FRAS1: variants seen among roughly 807,000 people sequenced by gnomAD.
The protein encoded by FRAS1 is extracellular matrix organizing protein FRAS1.
FRAS1 carries 290 observed loss-of-function variants against 435.2 expected under a neutral mutation model. The observed-to-expected ratio is 0.67, with a 90% CI of 0.61 to 0.73. FRAS1 has a LOEUF of 0.73. FRAS1 is among the 30% of genes least tolerant of loss of function. The pLI is 0.00. For synonymous variants in FRAS1, 1,800 were observed against 1,851.0 expected, an observed-to-expected ratio of 0.97 and a Z score of 0.71; for missense variants, 4,860 against 5,001.5, an observed-to-expected ratio of 0.97 and a Z score of 0.85.
intron 38 of FRAS1, among the ~76,000 whole-genome samples, chr4:78,437,780 A>G (rs1013726293): frequency 5.3e-5 from 8 of 152,350 alleles, no homozygotes; most frequent in African/African-American, 1.4e-4. Flanking sequence ...GCCCTAAAAA[A>G]TGAATGACTC....
chr4:78,263,365 T>A (rs1726205586), intron 6 of FRAS1, among the ~76,000 whole-genome samples: 3 of 152,240 alleles, frequency 2.0e-5, no homozygotes, highest in Non-Finnish European at 4.4e-5. Flanking sequence ...TAATTAGATG[T>A]TGCCAATAAG....
Position 78,384,266 on chromosome 4 carries a change from C to T in FRAS1, c.3648+123C>T, listed in dbSNP as rs72867947. On this transcript the variant is annotated intron_variant, in intron 28 of 73. Coordinates refer to ENST00000512123, the MANE Select transcript of FRAS1 (RefSeq NM_025074.7). ...TAAATTAATCTAGTCTTGGTTTCCT[C>T]TTGAGATGCCACTGGAGTAATTTTT... The T allele has an allele frequency of 2.7e-4, 194 of 715,024 alleles. No homozygotes were observed. The African/African-American group carries it at 3.0e-3, about 11-fold the overall frequency. The allele number at this position is 715,024 out of a possible 1,614,324, so 44.3% of individuals were successfully genotyped here.
chr4:78,395,370 T>C (rs1732616193), intron 29 of FRAS1, among the ~76,000 whole-genome samples: 1 of 152,058 alleles, frequency 6.6e-6, no homozygotes, highest in Non-Finnish European at 1.5e-5. Context: ...ACGTCTGTTA[T>C]GTCCATTTGT....
intron 2 of FRAS1, among the ~76,000 whole-genome samples, chr4:78,125,976 C>T (rs182339988): frequency 1.3e-5 from 2 of 152,326 alleles, no homozygotes; most frequent in East Asian, 3.9e-4. Context: ...CAGATATGCC[C>T]TGCCCCCAGA....
At chr4:78,253,597 T>C (rs1725651515) in intron 5 of FRAS1, among the ~76,000 whole-genome samples, 3 of 152,152 alleles carry the variant, frequency 2.0e-5, no homozygotes, top group African/African-American at 7.2e-5. Flanking sequence ...CCAACTCTTC[T>C]CTTTCTTGCT....
At chr4:78,143,953 A>G (rs982333068) in intron 2 of FRAS1, among the ~76,000 whole-genome samples, 3 of 151,342 alleles carry the variant, frequency 2.0e-5, no homozygotes, top group African/African-American at 7.3e-5. Flanking sequence ...ACCTCTGAGC[A>G]CTGAGAAATT....
At chr4:78,080,305 G>T (rs966300661) in intron 2 of FRAS1, among the ~76,000 whole-genome samples, 3 of 152,156 alleles carry the variant, frequency 2.0e-5, no homozygotes, top group Admixed American at 1.3e-4. Flanking sequence ...AGAAGAGGAG[G>T]CATAATTGCG....
chr4:78,302,126 T>C (rs1345139475), intron 14 of FRAS1, among the ~76,000 whole-genome samples: 2 of 151,510 alleles, frequency 1.3e-5, no homozygotes, highest in Admixed American at 6.6e-5. Context: ...GTTCTTGAGA[T>C]AGTTTACTGA....
intron 2 of FRAS1, among the ~76,000 whole-genome samples, chr4:78,091,463 T>C (rs1356397078): frequency 2.0e-5 from 3 of 152,156 alleles, no homozygotes; most frequent in Admixed American, 1.3e-4. Flanking sequence ...TGGAACTTAC[T>C]GTGCTGTAAA....
intron 2 of FRAS1, among the ~76,000 whole-genome samples, chr4:78,229,737 A>G (rs1724440961): frequency 6.6e-6 from 1 of 151,890 alleles, no homozygotes; most frequent in Non-Finnish European, 1.5e-5. Context: ...CAGGGTTTGA[A>G]TCCCAGATCT....
At position 78,284,500 on chromosome 4, in the gene FRAS1, G is replaced by C; in HGVS notation, c.1351G>C (p.Val451Leu). The C allele has an allele frequency of 6.2e-7, 1 of 1,613,660 alleles. No homozygotes were observed. The highest frequency in any genetic ancestry group is 8.5e-7 in the Non-Finnish European group (1 of 1,179,740). Residue 451 changes from valine to leucine, a missense_variant, in exon 13 of 74, where the codon GTG (valine) becomes CTG (leucine). Val to Leu is a conservative substitution (Grantham distance 32). Coordinates refer to ENST00000512123, the MANE Select transcript of FRAS1 (RefSeq NM_025074.7). The part of the protein sequence containing the change: ...PTKLLQNGWC[V>L]HSCGLGFYQA... ...CAAGTTACTGCAGAATGGATGGTGT[G>C]TGCACAGCTGTGGACTGGGTTTTTA... is the stretch of plus-strand genomic sequence containing the variant.
chr4:78,362,446 A>G (rs1294196706), intron 20 of FRAS1, among the ~76,000 whole-genome samples: 1 of 152,222 alleles, frequency 6.6e-6, no homozygotes, highest in Admixed American at 6.5e-5. Context: ...CATGTATGTT[A>G]GTGAGTGCAG....
At chr4:78,298,364 A>T (rs1728246586) in intron 14 of FRAS1, among the ~76,000 whole-genome samples, 1 of 151,812 alleles carries the variant, frequency 6.6e-6, no homozygotes, top group Admixed American at 6.6e-5. Context: ...CACACACCTT[A>T]TAATATCATG....
At chr4:78,432,330 G>T (rs114555894) in intron 37 of FRAS1, 27 bp from the exon 38 acceptor site, 17 of 1,565,648 alleles carry the variant, frequency 1.1e-5, no homozygotes, top group Non-Finnish European at 1.5e-5. Context: ...GAAGCAACTC[G>T]TTTGCAATTT....
In FRAS1 at chr4:78,225,173, G is replaced by A. The variant is rs1724217431; in HGVS notation, c.109-12337G>A. 2.0e-5 allele frequency among the ~76,000 whole-genome samples: 3 copies of A among 152,230 alleles called. No homozygotes were observed. The South Asian group carries it at 6.2e-4, about 32-fold the overall frequency. The stretch of plus-strand genomic sequence containing the variant: ...AGCATGGTGCTAAGGAATCTCAGAT[G>A]TGTTATCTGATATATCCCCCTGACA... On this transcript the variant is annotated intron_variant, in intron 2 of 73. Coordinates refer to ENST00000512123, the MANE Select transcript of FRAS1 (RefSeq NM_025074.7).
intron 2 of FRAS1, among the ~76,000 whole-genome samples, chr4:78,137,011 C>T (rs550889265): frequency 2.6e-5 from 4 of 152,312 alleles, no homozygotes; most frequent in East Asian, 1.9e-4. Context: ...AGGCCACTGG[C>T]ACTGCACCAT....
At chr4:78,261,195 AT>A (rs1225738478) in intron 6 of FRAS1, among the ~76,000 whole-genome samples, 1 of 151,462 alleles carries the variant, frequency 6.6e-6, no homozygotes, top group African/African-American at 2.4e-5. Flanking sequence ...AGTCTTTTTT[AT>A]TTCTACTATC....
In FRAS1 at chr4:78,282,920, C is replaced by T; in HGVS notation, c.1208C>T (p.Thr403Ile). Residue 403 changes from threonine (T) to isoleucine (I), a missense_variant, in exon 12 of 74, where the codon ACA becomes ATA. Transcript: ENST00000512123. The stretch of plus-strand genomic sequence containing the variant: ...TCTTGCCCACCATGTCCAGTGGGCA[C>T]ACTGGCCTTAGAGGTGAAGGGACAG... Reference protein sequence around the residue: ...EPSCPPCPVGTLALEVKGQCC... With the variant: ...EPSCPPCPVGILALEVKGQCC... 1 of 1,610,544 alleles carries T rather than the reference C, an allele frequency of 6.2e-7. No homozygotes were observed. Among genetic ancestry groups the T allele is most frequent in the Non-Finnish European group, 8.5e-7 (1 of 1,178,624 alleles).
intron 64 of FRAS1, 114 bp from the exon 65 acceptor site, chr4:78,513,278 A>G: frequency 1.0e-6 from 1 of 997,770 alleles, no homozygotes; most frequent in Non-Finnish European, 1.5e-6. Context: ...CTTCAGGAAG[A>G]AAAAAAAATG....
Sources: gnomAD v4.1 joint callset for allele counts (sites outside exome capture counted in the v4.1 genomes callset) on GRCh38, gnomAD v4.1.1 for gene constraint, MANE v1.5 for transcripts, NCBI Gene and HGNC (gene_info 2026-07-23, HGNC 2026-07-21) for gene names.